Variants in ADRA1D observed in about 807,000 individuals in gnomAD.
ADRA1D encodes the protein alpha-1D adrenergic receptor.
In ADRA1D, 22 loss-of-function variants were observed where a neutral mutation model predicts 18.6. That is an observed-to-expected ratio of 1.19 (90% CI 0.85 to 1.69). The LOEUF (loss-of-function observed/expected upper bound fraction) is 1.69, where lower values mean the gene tolerates loss of function less well. Among genes scored for constraint, ADRA1D ranks in the 40% most tolerant of loss-of-function variants. The pLI, the probability that ADRA1D is intolerant of heterozygous loss-of-function variation, is 0.00. For synonymous variants in ADRA1D, 376 were observed against 388.2 expected, an observed-to-expected ratio of 0.97 and a Z score of 0.37; for missense variants, 840 against 840.7, an observed-to-expected ratio of 1.00 and a Z score of 0.01.
chr20:4,236,679 C>T (rs1981100440), intron 1 of ADRA1D, among the ~76,000 whole-genome samples: 1 of 152,176 alleles, frequency 6.6e-6, no homozygotes, highest in African/African-American at 2.4e-5. Context: ...CTGAGATGGG[C>T]AGATTGCTCT....
At chr20:4,234,875 C>G (rs1191328250) in intron 1 of ADRA1D, among the ~76,000 whole-genome samples, 1 of 152,138 alleles carries the variant, frequency 6.6e-6, no homozygotes, top group Non-Finnish European at 1.5e-5. Flanking sequence ...AGCAGGGTAC[C>G]TGACAAGTTG....
rs1479805387 is a variant in ADRA1D, at chr20:4,225,119, A to C, written c.1112-2989T>G. ...TGGGTTCAAGCAATTCTCCTGCCTC[A>C]GCCTCCTGAGTAGCTGGGACTACAG... On this transcript the variant is annotated intron_variant, in intron 1 of 1. Transcript: ENST00000379453. Among the ~76,000 whole-genome samples the C allele has an allele frequency of 2.7e-5, 4 of 149,260 alleles. No individual in the cohort carries two copies. In the Admixed American group the frequency reaches 2.7e-4, roughly 10 times the overall value.
intron 1 of ADRA1D, among the ~76,000 whole-genome samples, chr20:4,232,620 C>T (rs995797007): frequency 1.4e-4 from 21 of 152,214 alleles, no homozygotes; most frequent in Non-Finnish European, 2.9e-4. Context: ...CTTTCAACTC[C>T]TTCAAGTCTT....
At chr20:4,243,953 A>G (rs987578357) in intron 1 of ADRA1D, among the ~76,000 whole-genome samples, 1 of 152,110 alleles carries the variant, frequency 6.6e-6, no homozygotes. Context: ...AGGTGCCCAC[A>G]TCTGTGTCCC....
At chr20:4,235,693 G>T (rs935311389) in intron 1 of ADRA1D, among the ~76,000 whole-genome samples, 2 of 152,236 alleles carry the variant, frequency 1.3e-5, no homozygotes, top group African/African-American at 2.4e-5. Flanking sequence ...CATGCTGTCC[G>T]GGAGTCCCAG....
intron 1 of ADRA1D, among the ~76,000 whole-genome samples, chr20:4,231,062 CTT>C (rs766950220): frequency 2.3e-4 from 21 of 91,462 alleles, no homozygotes; most frequent in African/African-American, 5.4e-4. Context: ...TTCTTTCTTT[CTT>C]TCTCTCTCTC....
At chr20:4,245,560 G>A (rs1262300137) in intron 1 of ADRA1D, among the ~76,000 whole-genome samples, 1 of 152,150 alleles carries the variant, frequency 6.6e-6, no homozygotes, top group Admixed American at 6.5e-5. Flanking sequence ...TTCAGTATAG[G>A]TGATTACAGG....
intron 1 of ADRA1D, among the ~76,000 whole-genome samples, chr20:4,231,093 TTTTC>T (rs57640382): frequency 0.36 from 39,947 of 110,136 alleles, 7,414 homozygotes; most frequent in Middle Eastern, 0.5. Flanking sequence ...TTTTCTTTTC[TTTTC>T]TTTCTTTCTT....
chr20:4,235,383 A>G (rs572435391), intron 1 of ADRA1D, among the ~76,000 whole-genome samples: 42 of 151,922 alleles, frequency 2.8e-4, no homozygotes, highest in Non-Finnish European at 5.9e-4. Context: ...GGCCCCACCC[A>G]TTTCTCTTTG....
intron 1 of ADRA1D, among the ~76,000 whole-genome samples, chr20:4,238,383 G>A (rs1981145854): frequency 6.6e-6 from 1 of 152,206 alleles, no homozygotes; most frequent in Non-Finnish European, 1.5e-5. Flanking sequence ...TGCTAAGTGG[G>A]GGAAGGCTGA....
intron 1 of ADRA1D, among the ~76,000 whole-genome samples, chr20:4,228,562 A>G (rs911697579): frequency 1.3e-5 from 2 of 152,222 alleles, no homozygotes; most frequent in Non-Finnish European, 2.9e-5. Flanking sequence ...GGTGAAATAG[A>G]GAGGGAACAT....
At chr20:4,224,842 G>A (rs1980756195) in intron 1 of ADRA1D, among the ~76,000 whole-genome samples, 2 of 151,938 alleles carry the variant, frequency 1.3e-5, no homozygotes, top group Admixed American at 1.3e-4. Flanking sequence ...GGGAATATCG[G>A]CTTTGCTTAT....
intron 1 of ADRA1D, among the ~76,000 whole-genome samples, chr20:4,243,264 C>T (rs372238160): frequency 4.1e-4 from 63 of 152,304 alleles, no homozygotes; most frequent in African/African-American, 1.3e-3. Flanking sequence ...CGCCCCCTCT[C>T]TCTGGGTCCT....
At chr20:4,231,072 C>T (rs150034452) in intron 1 of ADRA1D, among the ~76,000 whole-genome samples, 2,773 of 48,028 alleles carry the variant, frequency 0.058, 40 homozygotes, top group East Asian at 0.2. Flanking sequence ...CTTTCTCTCT[C>T]TCTCTCTCTC....
intron 1 of ADRA1D, among the ~76,000 whole-genome samples, chr20:4,236,007 C>T (rs1981080927): frequency 6.6e-6 from 1 of 152,164 alleles, no homozygotes; most frequent in Admixed American, 6.5e-5. Context: ...GGCCGGTATC[C>T]AAGACATGGA....
At chr20:4,233,926 G>A (rs556196933) in intron 1 of ADRA1D, among the ~76,000 whole-genome samples, 2 of 152,302 alleles carry the variant, frequency 1.3e-5, no homozygotes, top group African/African-American at 4.8e-5. Flanking sequence ...CATGTGCTGA[G>A]TCGCCATCCA....
chr20:4,245,333 C>A (rs1006110471), intron 1 of ADRA1D, among the ~76,000 whole-genome samples: 2 of 152,128 alleles, frequency 1.3e-5, no homozygotes, highest in African/African-American at 2.4e-5. Flanking sequence ...ATATAAATCT[C>A]AAAGACAAAC....
chr20:4,243,348 G>C (rs1309615580), intron 1 of ADRA1D, among the ~76,000 whole-genome samples: 1 of 28,062 alleles, frequency 3.6e-5, no homozygotes, highest in Admixed American at 7.3e-4. Context: ...GGGCTCCTCG[G>C]GGCATCCGGC....
At chr20:4,227,044 T>C (rs1326120545) in intron 1 of ADRA1D, among the ~76,000 whole-genome samples, 1 of 152,166 alleles carries the variant, frequency 6.6e-6, no homozygotes, top group Non-Finnish European at 1.5e-5. Context: ...AACTGGGCAT[T>C]TTCCTCTCCG....
Sources: gnomAD v4.1 joint callset for allele counts (sites outside exome capture counted in the v4.1 genomes callset) on GRCh38, gnomAD v4.1.1 for gene constraint, MANE v1.5 for transcripts, NCBI Gene and HGNC (gene_info 2026-07-23, HGNC 2026-07-21) for gene names.